Variants in MMD2 observed in about 807,000 individuals in gnomAD.
MMD2 encodes the protein monocyte to macrophage differentiation factor 2.
In MMD2, 30 loss-of-function variants were observed where a neutral mutation model predicts 33.5. The ratio of observed to expected loss-of-function variants is 0.90; its 90% CI spans 0.67 to 1.22. The LOEUF is 1.22. Ranked by LOEUF, MMD2 falls within the 50% of genes most tolerant of loss-of-function variation. MMD2 has a pLI of 0.00. For missense variants in MMD2, 364 were observed against 325.4 expected (o/e 1.12, Z -0.91); for synonymous variants, 129 against 123.0 (o/e 1.05, Z -0.32).
At chr7:4,948,736 T>C (rs547259633) in intron 1 of MMD2, among the ~76,000 whole-genome samples, 3 of 152,352 alleles carry the variant, frequency 2.0e-5, no homozygotes, top group Non-Finnish European at 4.4e-5. Context: ...CTGACTGTGC[T>C]GACACTTTGA....
chr7:4,904,148 G>C (rs1054111339), downstream of MMD2, among the ~76,000 whole-genome samples: 2 of 152,148 alleles, frequency 1.3e-5, no homozygotes, highest in Non-Finnish European at 2.9e-5. Context: ...GGCCAGGCTG[G>C]TCTCGAACTC....
At position 4,953,213 on chromosome 7, in the gene MMD2, CT is replaced by C. The variant is rs1340087047; in HGVS notation, c.47+5757del. 2.6e-5 allele frequency among the ~76,000 whole-genome samples: 4 copies of C among 151,820 alleles called. No homozygotes were observed. The East Asian group carries it at 7.8e-4, about 29-fold the overall frequency. ...TGAAGTGTTATCACATAGTTATTAT[CT>C]GTTGTCTGCTTCCCACAGAAGAATG... On this transcript the variant is annotated intron_variant, in intron 1 of 6. Transcript: ENST00000401401.
intron 1 of MMD2, among the ~76,000 whole-genome samples, chr7:4,937,311 C>T (rs1321138227): frequency 6.6e-6 from 1 of 151,500 alleles, no homozygotes; most frequent in Non-Finnish European, 1.5e-5. Flanking sequence ...GCAGGAGAAT[C>T]ACTTGAATCC....
At chr7:4,936,605 C>G (rs558887117) in intron 1 of MMD2, among the ~76,000 whole-genome samples, 208 of 152,148 alleles carry the variant, frequency 1.4e-3, no homozygotes, top group African/African-American at 4.8e-3. Flanking sequence ...GTTGCTCAGG[C>G]TGGTTTTGAA....
chr7:4,920,132 C>A lies in MMD2; in HGVS notation c.290+39G>T, dbSNP rs886598932. On this transcript the variant is annotated intron_variant, in intron 3 of 6. Transcript: ENST00000401401. Reference sequence around the variant, plus strand: ...GCTGCCATGGGTCCCCCTGCCCCGACCCCCTACCCGGCATGGGTCCCCTCT... The same window carrying A: ...GCTGCCATGGGTCCCCCTGCCCCGAACCCCTACCCGGCATGGGTCCCCTCT... 2.4e-5 allele frequency: 37 copies of A among 1,545,202 alleles called. No homozygotes were observed. The African/African-American group carries it at 4.8e-4, about 20-fold the overall frequency.
chr7:4,905,895 T>TAC (rs3830493), downstream of MMD2: 7,639 of 152,326 alleles, frequency 0.05, 286 homozygotes, highest in East Asian at 0.2. This position sits in a 1 kb window ranked among gnomAD's most constrained non-coding sequence, Gnocchi z 5.0. Flanking sequence ...CATGCACATA[T>TAC]ACACACACAC....
chr7:4,929,051 G>A (rs1227647153), intron 1 of MMD2, among the ~76,000 whole-genome samples: 3 of 152,192 alleles, frequency 2.0e-5, no homozygotes, highest in Non-Finnish European at 4.4e-5. Flanking sequence ...GGGCAGGGCA[G>A]GAGTGAAAGC....
chr7:4,942,284 T>TGGG (rs369853036), intron 1 of MMD2, among the ~76,000 whole-genome samples: 2,570 of 148,872 alleles, frequency 0.017, 109 homozygotes, highest in African/African-American at 0.062. Context: ...TCTGTAGAGA[T>TGGG]GGGGGGGGTC....
rs1786096852 is a variant in MMD2 at position 4,946,736 on chromosome 7, C to A, written c.47+12235G>T. 6.6e-6 allele frequency among the ~76,000 whole-genome samples: 1 copy of A among 152,140 alleles called. No homozygotes were observed. Among genetic ancestry groups the A allele is most frequent in the Admixed American group, 6.6e-5 (1 of 15,266 alleles). Reference sequence around the variant, plus strand: ...GCCTATAATCCTCCTGGCCTTTCTTCCTTCTTATTTTTAGAGACAGGGTCT... The same window carrying A: ...GCCTATAATCCTCCTGGCCTTTCTTACTTCTTATTTTTAGAGACAGGGTCT... On this transcript the variant is annotated intron_variant, in intron 1 of 6. Coordinates refer to ENST00000401401, the MANE Select transcript of MMD2 (RefSeq NM_198403.4). The surrounding 1 kb of genome is among the most constrained non-coding windows in gnomAD (Gnocchi z 5.0).
chr7:4,910,588 C>A (rs1001533502), intron 5 of MMD2, among the ~76,000 whole-genome samples: 1 of 151,992 alleles, frequency 6.6e-6, no homozygotes, highest in African/African-American at 2.4e-5. Flanking sequence ...CCCGCCTCCC[C>A]CCCTAACCCC....
the MMD2 span, among the ~76,000 whole-genome samples, chr7:4,897,158 C>A: frequency 6.6e-6 from 1 of 150,894 alleles, no homozygotes; most frequent in East Asian, 1.9e-4. Flanking sequence ...CCACGCCCGG[C>A]CTTAATTATC....
At chr7:4,899,045 C>T in the MMD2 span, among the ~76,000 whole-genome samples, 6 of 152,056 alleles carry the variant, frequency 3.9e-5, no homozygotes, top group Middle Eastern at 3.4e-3. Flanking sequence ...AGGGAGGCTG[C>T]ATCTTCACGA....
At chr7:4,903,593 G>T (rs1784822967), downstream of MMD2, among the ~76,000 whole-genome samples, 1 of 152,232 alleles carries the variant, frequency 6.6e-6, no homozygotes, top group African/African-American at 2.4e-5. Context: ...GCCAAGCTCT[G>T]TCTGGGCCTT....
At chr7:4,908,704 C>G (rs528377309) in intron 6 of MMD2, among the ~76,000 whole-genome samples, 20 of 151,820 alleles carry the variant, frequency 1.3e-4, no homozygotes, top group Admixed American at 3.9e-4. Context: ...CGAGACCAGC[C>G]TGGCCAACAT....
At chr7:4,922,269 A>T (rs6943890) in intron 2 of MMD2, among the ~76,000 whole-genome samples, 90,210 of 151,598 alleles carry the variant, frequency 0.6, 26,924 homozygotes, top group East Asian at 0.67. Context: ...ACATCATCTT[A>T]AAAAAATAAA....
At chr7:4,914,694 G>A (rs1785097749) in intron 4 of MMD2, among the ~76,000 whole-genome samples, 1 of 152,144 alleles carries the variant, frequency 6.6e-6, no homozygotes, top group Admixed American at 6.6e-5. Flanking sequence ...ACTGTGGGAG[G>A]CCGAGGCAGG....
intron 2 of MMD2, 71 bp downstream of exon 2, chr7:4,925,380 G>C: frequency 7.9e-7 from 1 of 1,268,822 alleles, no homozygotes; most frequent in Non-Finnish European, 1.1e-6. Flanking sequence ...CGTGAAGGAG[G>C]TGACTTCCCC....
At chr7:4,904,525 G>A (rs889099423), downstream of MMD2, among the ~76,000 whole-genome samples, 1 of 152,288 alleles carries the variant, frequency 6.6e-6, no homozygotes, top group Non-Finnish European at 1.5e-5. Flanking sequence ...CCAGACTACA[G>A]TTGGAAATTC....
chr7:4,932,141 C>T (rs561775864), intron 1 of MMD2, among the ~76,000 whole-genome samples: 4 of 152,264 alleles, frequency 2.6e-5, no homozygotes, highest in East Asian at 1.9e-4. Context: ...TCACGGTTGC[C>T]GTGGCGACCT....
Sources: gnomAD v4.1 joint callset for allele counts (sites outside exome capture counted in the v4.1 genomes callset) on GRCh38, gnomAD v4.1.1 for gene constraint, Gnocchi (gnomAD v3.1) non-coding constraint, MANE v1.5 for transcripts, NCBI Gene and HGNC (gene_info 2026-07-23, HGNC 2026-07-21) for gene names.